Variants in ATP11A observed in about 807,000 individuals in gnomAD.
ATP11A encodes the protein phospholipid-transporting ATPase IH.
Under a neutral mutation model 154.4 loss-of-function variants are expected in ATP11A, and 81 were observed. That is an observed-to-expected ratio of 0.52 (90% CI 0.44 to 0.63). ATP11A has a LOEUF of 0.63. Among genes scored for constraint, ATP11A ranks in the 30% least tolerant of loss-of-function variants. ATP11A has a pLI of 0.00. For synonymous variants in ATP11A, 623 were observed against 585.9 expected (o/e 1.06, Z -0.91); for missense variants, 1,316 against 1,474.3 (o/e 0.89, Z 1.76).
At chr13:112,855,236 T>G (rs1490209788) in intron 19 of ATP11A, among the ~76,000 whole-genome samples, 1 of 152,202 alleles carries the variant, frequency 6.6e-6, no homozygotes, top group Non-Finnish European at 1.5e-5. Context: ...AGATGGAGCC[T>G]CAATCTGTCG....
At chr13:112,691,925 T>C (rs184543048) in intron 1 of ATP11A, among the ~76,000 whole-genome samples, 1 of 152,244 alleles carries the variant, frequency 6.6e-6, no homozygotes, top group Admixed American at 6.5e-5. Context: ...AACTCACCCC[T>C]GGTGATTCTG....
At chr13:112,843,002 G>T (rs533402703) in intron 17 of ATP11A, among the ~76,000 whole-genome samples, 4 of 152,232 alleles carry the variant, frequency 2.6e-5, no homozygotes, top group Non-Finnish European at 5.9e-5. Context: ...CGCTAAAGCC[G>T]GGCAACACGT....
chr13:112,732,123 C>T (rs930033707), intron 1 of ATP11A, among the ~76,000 whole-genome samples: 2 of 152,102 alleles, frequency 1.3e-5, no homozygotes, highest in Non-Finnish European at 2.9e-5. Context: ...GTTTTAGGGA[C>T]GTGGCAATAA....
At chr13:112,846,525 C>T (rs561349357) in intron 17 of ATP11A, among the ~76,000 whole-genome samples, 4 of 152,312 alleles carry the variant, frequency 2.6e-5, no homozygotes, top group South Asian at 4.1e-4. Flanking sequence ...ATAACGATTG[C>T]GGTGACTGTT....
rs1245669926 is a variant in ATP11A, at chr13:112,885,796, C to T, written c.*3930C>T. The T allele has an allele frequency of 2.0e-5, 3 of 152,474 alleles. No individual in the cohort carries two copies. The East Asian group carries it at 5.8e-4, about 29-fold the overall frequency. 9.4% of individuals were successfully genotyped at this position (152,474 alleles called of 1,614,324 possible). On this transcript the variant is annotated 3_prime_UTR_variant, in exon 30 of 30. Transcript: ENST00000375645. Reference sequence around the variant, plus strand: ...CTGGATGGGCATGGGAAGATGGGCTCCCTGGCCCCCAGCCCATGCCTCCCT... The same window carrying T: ...CTGGATGGGCATGGGAAGATGGGCTTCCTGGCCCCCAGCCCATGCCTCCCT...
chr13:112,780,639 G>C (rs2077475290), intron 1 of ATP11A, among the ~76,000 whole-genome samples: 1 of 152,138 alleles, frequency 6.6e-6, no homozygotes, highest in Non-Finnish European at 1.5e-5. Flanking sequence ...TGTTTCCTTT[G>C]GTCGGTTTGT....
chr13:112,825,581 G>C lies in ATP11A; in HGVS notation c.1023+1G>C. 6.2e-7 allele frequency: 1 copy of C among 1,611,592 alleles called. No homozygotes were observed. Among genetic ancestry groups the C allele is most frequent in the Non-Finnish European group, 8.5e-7 (1 of 1,179,036 alleles). ...GGAGTCGGAAAGGCAGAGGAATCTG[G>C]TATGGAGAATCACTGCCCTTGTATG... is the stretch of plus-strand genomic sequence containing the variant. On this transcript the variant is annotated splice_donor_variant, in intron 11 of 29. Transcript: ENST00000375645. LOFTEE classifies it high-confidence loss of function.
chr13:112,727,632 G>A (rs1318723958), intron 1 of ATP11A, among the ~76,000 whole-genome samples: 2 of 152,178 alleles, frequency 1.3e-5, no homozygotes, highest in Non-Finnish European at 2.9e-5. Context: ...GGCTGCCTGA[G>A]GTGTAGAGGC....
At chr13:112,880,796 G>C (rs1238457682) in intron 29 of ATP11A, 1 of 1,149,204 alleles carries the variant, frequency 8.7e-7, no homozygotes, top group Non-Finnish European at 1.1e-6. Flanking sequence ...TGCATTTGCT[G>C]TCCCAGGTAA....
intron 13 of ATP11A, among the ~76,000 whole-genome samples, chr13:112,832,074 GAC>G (rs2079108628): frequency 1.3e-5 from 2 of 151,420 alleles, no homozygotes; most frequent in Admixed American, 6.6e-5. Context: ...CTCACATGCA[GAC>G]ACACACGTAC....
chr13:112,806,648 T>TTTTG (rs141951982), intron 4 of ATP11A, among the ~76,000 whole-genome samples: 1 of 152,088 alleles, frequency 6.6e-6, no homozygotes, highest in Admixed American at 6.5e-5. Context: ...GGATGCTGTT[T>TTTTG]TTTGTTTGTT....
At chr13:112,796,566 A>G (rs572605939) in intron 2 of ATP11A, among the ~76,000 whole-genome samples, 8 of 152,322 alleles carry the variant, frequency 5.3e-5, no homozygotes, top group African/African-American at 1.9e-4. Flanking sequence ...TCCAGGAAGG[A>G]ACCAGCCCTG....
chr13:112,778,957 T>C (rs1314789835), intron 1 of ATP11A, among the ~76,000 whole-genome samples: 1 of 126,046 alleles, frequency 7.9e-6, no homozygotes, highest in Admixed American at 8.0e-5. Flanking sequence ...GAGTAGCCGC[T>C]GGAGTGAGTA....
chr13:112,753,595 T>C lies in ATP11A; in HGVS notation c.40-31540T>C, dbSNP rs1364428775. Among the ~76,000 whole-genome samples the C allele has an allele frequency of 2.0e-5, 3 of 152,240 alleles. No homozygotes were observed. The highest frequency in any genetic ancestry group is 2.0e-4 in the Admixed American group (3 of 15,286). ...ATGTGTTTAAGTCCATTTGCTGTTCTTTTCTCTTTTTTGAAAAAGAACAGC... is the reference window on the plus strand; with the variant it reads ...ATGTGTTTAAGTCCATTTGCTGTTCCTTTCTCTTTTTTGAAAAAGAACAGC... On this transcript the variant is annotated intron_variant, in intron 1 of 29. Coordinates refer to ENST00000375645, the MANE Select transcript of ATP11A (RefSeq NM_015205.3). This position sits in a 1 kb window ranked among gnomAD's most constrained non-coding sequence, Gnocchi z 4.1.
intron 1 of ATP11A, among the ~76,000 whole-genome samples, chr13:112,781,217 T>C (rs1437333465): frequency 6.6e-6 from 1 of 151,994 alleles, no homozygotes; most frequent in African/African-American, 2.4e-5. Context: ...TATTTTTTTT[T>C]TCAGTAGAGA....
chr13:112,873,128 C>T (rs1628778), intron 26 of ATP11A, among the ~76,000 whole-genome samples: 19 of 17,152 alleles, frequency 1.1e-3, no homozygotes, highest in African/African-American at 3.2e-3. Context: ...TCTTCCTGAA[C>T]GGTGTGAGGT....
At chr13:112,809,704 A>G (rs1239150356) in intron 4 of ATP11A, among the ~76,000 whole-genome samples, 1 of 152,180 alleles carries the variant, frequency 6.6e-6, no homozygotes, top group Non-Finnish European at 1.5e-5. Flanking sequence ...AGTCTCTCAC[A>G]TGCTGGGGAT....
intron 9 of ATP11A, among the ~76,000 whole-genome samples, chr13:112,824,103 A>T (rs2078869850): frequency 6.6e-6 from 1 of 152,156 alleles, no homozygotes; most frequent in African/African-American, 2.4e-5. Context: ...TGGTGGGCCC[A>T]GTGTATATTA....
rs1566564917 is a variant in ATP11A, at chr13:112,845,792, T to TGCCAGCAC, written c.1809+3413_1809+3414insGCCAGCAC. The stretch of plus-strand genomic sequence containing the variant: ...CACTAGCGGTACTAACCAGTCCAGT[T>TGCCAGCAC]TCCAGGCACTAGTGATACTAACCAG... On this transcript the variant is annotated intron_variant, in intron 17 of 29. Transcript: ENST00000375645. Among the ~76,000 whole-genome samples the TGCCAGCAC allele has an allele frequency of 4.7e-4, 42 of 89,744 alleles. 4 individuals carry two copies. The highest frequency in any genetic ancestry group is 4.6e-3 in the East Asian group (16 of 3,512). 58.9% of individuals were successfully genotyped at this position (89,744 alleles called of 152,430 possible). A position where few individuals can be genotyped will look rare whatever the true frequency, so the allele number is the denominator to read the frequency against.
Sources: gnomAD v4.1 joint callset for allele counts (sites outside exome capture counted in the v4.1 genomes callset) on GRCh38, gnomAD v4.1.1 for gene constraint, Gnocchi (gnomAD v3.1) non-coding constraint, MANE v1.5 for transcripts, NCBI Gene and HGNC (gene_info 2026-07-23, HGNC 2026-07-21) for gene names.